NCSTN: variants seen among roughly 807,000 people sequenced by gnomAD.
NCSTN encodes nicastrin, also known as anterior pharynx-defective 2.
NCSTN carries 22 observed loss-of-function variants against 87.0 expected under a neutral mutation model. That is an observed-to-expected ratio of 0.25 (90% CI 0.18 to 0.36). NCSTN has a LOEUF of 0.36. Ranked by LOEUF, NCSTN falls within the 10% of genes least tolerant of loss-of-function variation. The pLI, the probability that NCSTN is intolerant of heterozygous loss-of-function variation, is 1.00. For missense variants in NCSTN, 693 were observed against 883.3 expected, an observed-to-expected ratio of 0.78 and a Z score of 2.73; for synonymous variants, 306 against 327.1, an observed-to-expected ratio of 0.94 and a Z score of 0.69.
chr1:160,343,675 A>G (rs1397172295), intron 1 of NCSTN, 194 bp downstream of exon 1: 1 of 718,838 alleles, frequency 1.4e-6, no homozygotes, highest in South Asian at 1.5e-5. Flanking sequence ...CCCCCGCAGC[A>G]CGTCGTGTCG....
chr1:160,350,295 T>C, intron 5 of NCSTN, 45 bp downstream of exon 5: 2 of 1,607,804 alleles, frequency 1.2e-6, no homozygotes, highest in Non-Finnish European at 1.7e-6. Context: ...AGAAAGAAGA[T>C]TATTTTTCTA....
rs115692755 is a variant in NCSTN, at chr1:160,348,642, G to A, written c.191-357G>A. Among the ~76,000 whole-genome samples the A allele has an allele frequency of 6.7e-3, 1,026 of 152,346 alleles. 11 individuals are homozygous for A. Among genetic ancestry groups the A allele is most frequent in the African/African-American group, 0.023 (976 of 41,576 alleles). On this transcript the variant is annotated intron_variant, in intron 2 of 16. Coordinates refer to ENST00000294785, the MANE Select transcript of NCSTN (RefSeq NM_015331.3). Reference sequence around the variant, plus strand: ...GGAAGATTCAAAGCTAAAACCCTGAGCTAGAGATTTAGTGGCATTTCCTAG... The same window carrying A: ...GGAAGATTCAAAGCTAAAACCCTGAACTAGAGATTTAGTGGCATTTCCTAG...
chr1:160,345,492 C>T (rs1447956764), intron 2 of NCSTN, among the ~76,000 whole-genome samples: 2 of 152,040 alleles, frequency 1.3e-5, no homozygotes, highest in Non-Finnish European at 2.9e-5. Flanking sequence ...CGCACCCAGC[C>T]GAGCCAGCAC....
chr1:160,352,975 T>C lies in NCSTN; in HGVS notation c.1085T>C (p.Phe362Ser). 1 of 1,614,012 alleles carries C rather than the reference T, an allele frequency of 6.2e-7. No homozygotes were observed. Among genetic ancestry groups the C allele is most frequent in the Non-Finnish European group, 8.5e-7 (1 of 1,179,882 alleles). Residue 362 changes from phenylalanine (F) to serine (S), a missense_variant, in exon 9 of 17, where the codon TTT becomes TCT. Around this residue, in one of 4 missense-constraint regions of NCSTN, gnomAD observed 134 missense variants for 226.0 expected, o/e 0.59. Transcript: ENST00000294785. The stretch of plus-strand genomic sequence containing the variant: ...GTGCAGTTAGAGAATGTTGACTCAT[T>C]TGTGGAGCTGGGACAGGTATGTGGC... The part of the protein sequence containing the change: ...FPVQLENVDS[F>S]VELGQVALRT...
At chr1:160,343,803 G>C (rs1214884139) in intron 1 of NCSTN, 4 of 607,570 alleles carry the variant, frequency 6.6e-6, no homozygotes. Context: ...AAAGGAACAG[G>C]TGTGAAAGTT....
At position 160,354,187 on chromosome 1, in the gene NCSTN, A is replaced by T. The variant is rs143039637; in HGVS notation, c.1249A>T (p.Asn417Tyr). 6,358 of 1,614,072 alleles carry T rather than the reference A, an allele frequency of 3.9e-3. 22 individuals are homozygous for T. Among genetic ancestry groups the T allele is most frequent in the Non-Finnish European group, 4.7e-3 (5,547 of 1,179,974 alleles). The part of the protein sequence containing the change: ...GVPAVILRRP[N>Y]QSQPLPPSSL... ...CCCTGCTGTCATCCTCAGGAGGCCA[A>T]ATCAGTCCCAGCCTCTCCCACCATC... is the stretch of plus-strand genomic sequence containing the variant. The change falls in exon 11 of 17, where the codon AAT becomes TAT. Residue 417 changes from asparagine to tyrosine, a missense_variant. Transcript: ENST00000294785.
chr1:160,356,080 C>T, intron 13 of NCSTN, 122 bp downstream of exon 13: 2 of 1,105,328 alleles, frequency 1.8e-6, no homozygotes, highest in Non-Finnish European at 2.7e-6. Flanking sequence ...GAGAATGCCT[C>T]ATGCCCCAGA....
rs996667730 is a variant in NCSTN at position 160,352,330 on chromosome 1, GATGTGTCTAC to G, written c.996+133_996+142del. ...GTTGTTAACCAGCACAGAGCTTCTG[GATGTGTCTAC>G]ATGTGTCTCCCCTTTAGATTCCTCC... is the stretch of plus-strand genomic sequence containing the variant. On this transcript the variant is annotated intron_variant, in intron 8 of 16. Transcript: ENST00000294785. The G allele has an allele frequency of 3.3e-6, 4 of 1,223,184 alleles. No homozygotes were observed. The African/African-American group carries it at 6.0e-5, about 18-fold the overall frequency. The allele number at this position is 1,223,184 out of a possible 1,614,324, so 75.8% of individuals were successfully genotyped here.
chr1:160,358,509 A>T lies in NCSTN; in HGVS notation c.*238A>T. On this transcript the variant is annotated 3_prime_UTR_variant, in exon 17 of 17. Coordinates refer to ENST00000294785, the MANE Select transcript of NCSTN (RefSeq NM_015331.3). The stretch of plus-strand genomic sequence containing the variant: ...TTCCTCTTCCTTCTCTACTCATGCC[A>T]GATTTTGGGATTACAAATAGAAGCT... 1.8e-6 allele frequency: 1 copy of T among 564,796 alleles called. No homozygotes were observed. The highest frequency in any genetic ancestry group is 3.1e-6 in the Non-Finnish European group (1 of 318,424). 35.0% of individuals were successfully genotyped at this position (564,796 alleles called of 1,614,324 possible).
intron 8 of NCSTN, 151 bp from the exon 9 acceptor site, chr1:160,352,736 A>C (rs1648928168): frequency 1.4e-6 from 1 of 713,934 alleles, no homozygotes; most frequent in South Asian, 1.5e-5. Flanking sequence ...GGGCCAAGAG[A>C]AGCCGAAAGT....
intron 9 of NCSTN, 40 bp from the exon 10 acceptor site, chr1:160,353,120 G>C (rs1648954959): frequency 6.2e-7 from 1 of 1,607,318 alleles, no homozygotes; most frequent in Non-Finnish European, 8.5e-7. Context: ...CCCAGAACAG[G>C]AGACTGATTC....
chr1:160,354,068 G>C, intron 10 of NCSTN, 50 bp from the exon 11 acceptor site: 1 of 1,582,570 alleles, frequency 6.3e-7, no homozygotes, highest in Admixed American at 1.7e-5. Context: ...GAGACCTCCT[G>C]CTTCCCATCC....
intron 5 of NCSTN, among the ~76,000 whole-genome samples, chr1:160,350,571 T>C (rs1460071383): frequency 6.6e-6 from 1 of 152,158 alleles, no homozygotes; most frequent in Non-Finnish European, 1.5e-5. Flanking sequence ...CGTTAGTTCT[T>C]CTCACATTCT....
At chr1:160,346,192 G>T (rs548425514) in intron 2 of NCSTN, among the ~76,000 whole-genome samples, 57 of 152,264 alleles carry the variant, frequency 3.7e-4, no homozygotes, top group African/African-American at 1.3e-3. Flanking sequence ...ATGGACAATA[G>T]CTCTGTCAGA....
chr1:160,349,509 C>A (rs759337937), intron 3 of NCSTN, 40 bp from the exon 4 acceptor site: 1 of 1,613,934 alleles, frequency 6.2e-7, no homozygotes, highest in South Asian at 1.1e-5. Flanking sequence ...CTGTCTGATA[C>A]CTTCCTGTGT....
chr1:160,357,695 T>G (rs1413881284), intron 16 of NCSTN, among the ~76,000 whole-genome samples: 2 of 152,226 alleles, frequency 1.3e-5, no homozygotes, highest in African/African-American at 4.8e-5. Flanking sequence ...CGTGAGCCAC[T>G]GCACCCGGCC....
intron 11 of NCSTN, 70 bp from the exon 12 acceptor site, chr1:160,355,585 G>T (rs993427993): frequency 9.2e-6 from 10 of 1,091,066 alleles, no homozygotes; most frequent in Admixed American, 6.7e-5. Flanking sequence ...TGCATAAGGA[G>T]CATTTGAGGG....
chr1:160,343,499 G>C lies in NCSTN; in HGVS notation c.85+18G>C. 6.3e-7 allele frequency: 1 copy of C among 1,592,054 alleles called. No homozygotes were observed. The highest frequency in any genetic ancestry group is 8.5e-7 in the Non-Finnish European group (1 of 1,169,798). ...ACTAGCAGGTGAGGCCTCCCCGCCC[G>C]TGAGCTCCGTTCTCTAAGGGGAACT... On this transcript the variant is annotated intron_variant, in intron 1 of 16. Coordinates refer to ENST00000294785, the MANE Select transcript of NCSTN (RefSeq NM_015331.3).
chr1:160,344,133 A>G (rs780167802), intron 1 of NCSTN, among the ~76,000 whole-genome samples: 1 of 152,062 alleles, frequency 6.6e-6, no homozygotes, highest in Non-Finnish European at 1.5e-5. Flanking sequence ...GTCAAGCCCT[A>G]AAATGCAAAT....
Sources: gnomAD v4.1 joint callset for allele counts (sites outside exome capture counted in the v4.1 genomes callset) on GRCh38, gnomAD v4.1.1 for gene constraint, gnomAD v4.1.1 regional missense constraint, MANE v1.5 for transcripts, NCBI Gene and HGNC (gene_info 2026-07-23, HGNC 2026-07-21) for gene names.